The following SPATA16 variants were observed in gnomAD, a reference collection of about 807,000 sequenced individuals.
SPATA16 encodes spermatogenesis associated 16.
In SPATA16, 36 loss-of-function variants were observed where a neutral mutation model predicts 63.3. The observed-to-expected ratio is 0.57, with a 90% CI of 0.44 to 0.75. SPATA16 has a LOEUF of 0.75. SPATA16 is among the 30% of genes least tolerant of loss of function. The pLI is 0.00. For missense variants in SPATA16, 646 were observed against 679.3 expected, an observed-to-expected ratio of 0.95 and a Z score of 0.54; for synonymous variants, 203 against 216.7, an observed-to-expected ratio of 0.94 and a Z score of 0.56.
intron 2 of SPATA16, among the ~76,000 whole-genome samples, chr3:173,098,155 C>A (rs959184130): frequency 6.7e-6 from 1 of 149,456 alleles, no homozygotes; most frequent in Non-Finnish European, 1.5e-5. Flanking sequence ...AAAAAAAAAA[C>A]TTGGAAAAAG....
Position 172,950,970 on chromosome 3 carries a change from C to T in SPATA16, c.1081+5707G>A, listed in dbSNP as rs553247648. On this transcript the variant is annotated intron_variant, in intron 6 of 10. Transcript: ENST00000351008. ...GAGACAGGATATGCGGATTGTATTA[C>T]TTTATTATTATTAAAATACAACCAT... Among the ~76,000 whole-genome samples, 342 of 152,128 alleles carry T rather than the reference C, an allele frequency of 2.2e-3. 2 individuals are homozygous for T. Among genetic ancestry groups the T allele is most frequent in the African/African-American group, 7.7e-3 (318 of 41,524 alleles).
At chr3:173,105,862 T>C (rs1414006250) in intron 2 of SPATA16, among the ~76,000 whole-genome samples, 1 of 152,064 alleles carries the variant, frequency 6.6e-6, no homozygotes, top group Non-Finnish European at 1.5e-5. Context: ...TCTGTGTTTA[T>C]ATTTCTATTT....
At chr3:173,100,279 C>G (rs749425409) in intron 2 of SPATA16, among the ~76,000 whole-genome samples, 3 of 151,994 alleles carry the variant, frequency 2.0e-5, no homozygotes, top group Non-Finnish European at 4.4e-5. Flanking sequence ...TTTTCATAAC[C>G]CAAATAAGTA....
chr3:172,976,998 GCT>G lies in SPATA16; in HGVS notation c.901_902del (p.Ser301HisfsTer14), dbSNP rs755272514. ...AATACAGTTTGATGAGCTTGCTTATGCTCTCTTCCCTTCCTCCACCAAGCCAG... is the reference window on the plus strand; with the variant it reads ...AATACAGTTTGATGAGCTTGCTTATGCTCTTCCCTTCCTCCACCAAGCCAG... ...MFWLGGGREE[S>X]ISKLIKLYWQ... On this transcript the variant is annotated frameshift_variant, in exon 5 of 11. Coordinates refer to ENST00000351008, the MANE Select transcript of SPATA16 (RefSeq NM_031955.6). LOFTEE classifies it high-confidence loss of function. 1 of 1,611,910 alleles carries G rather than the reference GCT, an allele frequency of 6.2e-7. No individual in the cohort carries two copies. Among genetic ancestry groups the G allele is most frequent in the South Asian group, 1.1e-5 (1 of 91,056 alleles).
chr3:172,893,968 A>G (rs893856643), intron 10 of SPATA16, among the ~76,000 whole-genome samples: 1 of 152,202 alleles, frequency 6.6e-6, no homozygotes. Context: ...TAAAGCTTTA[A>G]AAGTTTTTTT....
intron 1 of SPATA16, among the ~76,000 whole-genome samples, chr3:173,131,468 A>C (rs1026930485): frequency 5.3e-5 from 8 of 151,502 alleles, no homozygotes; most frequent in African/African-American, 1.9e-4. Context: ...AAAGAGTGTG[A>C]GCATCTCAAC....
chr3:173,120,242 A>G (rs980231883), intron 1 of SPATA16, among the ~76,000 whole-genome samples: 1 of 152,186 alleles, frequency 6.6e-6, no homozygotes, highest in African/African-American at 2.4e-5. Flanking sequence ...CCACATCTAC[A>G]TATGATTTGG....
chr3:172,986,679 G>C (rs1034162986), intron 4 of SPATA16, among the ~76,000 whole-genome samples: 1 of 152,114 alleles, frequency 6.6e-6, no homozygotes, highest in South Asian at 2.1e-4. Flanking sequence ...GAGCAGGGGG[G>C]GGAATGCAGA....
At chr3:172,900,878 T>C (rs1215671294) in intron 10 of SPATA16, among the ~76,000 whole-genome samples, 2 of 151,822 alleles carry the variant, frequency 1.3e-5, no homozygotes, top group Non-Finnish European at 2.9e-5. Context: ...CCTGACCTCA[T>C]GATCTGCCCA....
intron 4 of SPATA16, among the ~76,000 whole-genome samples, chr3:172,979,902 A>G (rs539964907): frequency 6.6e-6 from 1 of 152,214 alleles, no homozygotes; most frequent in Non-Finnish European, 1.5e-5. Context: ...TAGCTGAGAT[A>G]TATTTCATAA....
At chr3:172,995,100 A>C (rs16846388) in intron 4 of SPATA16, among the ~76,000 whole-genome samples, 12,762 of 152,102 alleles carry the variant, frequency 0.084, 669 homozygotes, top group East Asian at 0.15. Flanking sequence ...TACTTAATGG[A>C]CAAGGAAAAG....
chr3:173,108,037 T>C (rs1410818185), intron 2 of SPATA16, among the ~76,000 whole-genome samples: 1 of 152,180 alleles, frequency 6.6e-6, no homozygotes, highest in Non-Finnish European at 1.5e-5. Context: ...AAAAATTTCA[T>C]TAACATTTAC....
At chr3:173,082,004 A>G (rs1015791655) in intron 2 of SPATA16, among the ~76,000 whole-genome samples, 2 of 152,184 alleles carry the variant, frequency 1.3e-5, no homozygotes, top group African/African-American at 4.8e-5. Context: ...CCATCTTTAG[A>G]CTATAAATGT....
chr3:172,938,219 A>G (rs1309604018), intron 6 of SPATA16, among the ~76,000 whole-genome samples: 1 of 152,190 alleles, frequency 6.6e-6, no homozygotes, highest in South Asian at 2.1e-4. Context: ...CTATAAAAAC[A>G]TTAGATTATT....
intron 1 of SPATA16, among the ~76,000 whole-genome samples, chr3:173,128,032 A>C (rs982161249): frequency 2.0e-5 from 3 of 152,218 alleles, no homozygotes; most frequent in Admixed American, 1.3e-4. Context: ...TTTAAATATA[A>C]AAATAAATTT....
chr3:172,925,854 T>C (rs1331204249), intron 6 of SPATA16, among the ~76,000 whole-genome samples: 3 of 152,162 alleles, frequency 2.0e-5, no homozygotes, highest in African/African-American at 7.2e-5. Context: ...AGATGGAGTC[T>C]TGCTCTTGTC....
At chr3:173,000,979 T>G (rs1227904865) in intron 4 of SPATA16, among the ~76,000 whole-genome samples, 4 of 152,238 alleles carry the variant, frequency 2.6e-5, no homozygotes, top group Non-Finnish European at 5.9e-5. Flanking sequence ...TAATCACAGT[T>G]TCTTTTAGAA....
At chr3:173,114,580 T>G (rs1009914902) in intron 2 of SPATA16, among the ~76,000 whole-genome samples, 2 of 152,234 alleles carry the variant, frequency 1.3e-5, no homozygotes, top group African/African-American at 2.4e-5. Flanking sequence ...TATCAGCCCT[T>G]GACTACCAAC....
At chr3:172,922,879 A>G (rs1409789638) in intron 8 of SPATA16, among the ~76,000 whole-genome samples, 1 of 152,290 alleles carries the variant, frequency 6.6e-6, no homozygotes, top group East Asian at 1.9e-4. Context: ...CCAAGACCGC[A>G]CCACTGCACT....
Sources: allele counts gnomAD v4.1 joint callset (sites outside exome capture counted in the v4.1 genomes callset), GRCh38; gene constraint gnomAD v4.1.1; transcripts MANE v1.5; gene names NCBI Gene and HGNC (gene_info 2026-07-23, HGNC 2026-07-21).